Variants in ATP8A1 observed in about 807,000 individuals in gnomAD.
ATP8A1 encodes the protein ATPase phospholipid transporting 8A1.
Under a neutral mutation model 177.7 loss-of-function variants are expected in ATP8A1, and 90 were observed. That is an observed-to-expected ratio of 0.51 (90% CI 0.43 to 0.60). The LOEUF (loss-of-function observed/expected upper bound fraction) is 0.60. ATP8A1 is among the 20% of genes least tolerant of loss of function. ATP8A1 has a pLI of 0.00. For missense variants in ATP8A1, 1,072 were observed against 1,392.8 expected, an observed-to-expected ratio of 0.77 and a Z score of 3.67; for synonymous variants, 493 against 485.9, an observed-to-expected ratio of 1.01 and a Z score of -0.19.
At chr4:42,551,340 AAG>A in intron 17 of ATP8A1, 60 bp from the exon 18 acceptor site, 1 of 1,189,904 alleles carries the variant, frequency 8.4e-7, no homozygotes, top group Non-Finnish European at 1.3e-6. Flanking sequence ...TTCTCAGCAC[AAG>A]AGAAGTACAT....
At chr4:42,628,054 C>A (rs926209357) in intron 1 of ATP8A1, among the ~76,000 whole-genome samples, 1 of 152,126 alleles carries the variant, frequency 6.6e-6, no homozygotes, top group Non-Finnish European at 1.5e-5. Flanking sequence ...TTCCCCCTAC[C>A]AGAATGGGAA....
rs146194722 is a variant in ATP8A1, at chr4:42,553,783, T to A, written c.1414-1173A>T. Reference sequence around the variant, plus strand: ...AACACAAATAAATATACACGTATTGTTTACTTATAGCAAGACAAGCACTGT... The same window carrying A: ...AACACAAATAAATATACACGTATTGATTACTTATAGCAAGACAAGCACTGT... On this transcript the variant is annotated intron_variant, in intron 16 of 36. Coordinates refer to ENST00000381668, the MANE Select transcript of ATP8A1 (RefSeq NM_006095.2). 4.2e-3 allele frequency among the ~76,000 whole-genome samples: 633 copies of A among 152,260 alleles called. 3 individuals are homozygous for A. The highest frequency in any genetic ancestry group is 0.014 in the African/African-American group (602 of 41,554).
intron 13 of ATP8A1, 35 bp from the exon 14 acceptor site, chr4:42,574,742 A>G (rs1449212782): frequency 1.4e-6 from 2 of 1,474,478 alleles, no homozygotes; most frequent in East Asian, 2.3e-5. Context: ...TAATATTTTG[A>G]AAGTCTTTAT....
At chr4:42,594,082 ATAAAG>A (rs1202947426) in intron 6 of ATP8A1, among the ~76,000 whole-genome samples, 2 of 152,136 alleles carry the variant, frequency 1.3e-5, no homozygotes, top group East Asian at 1.9e-4. Flanking sequence ...TATTTGAATG[ATAAAG>A]TATAGTACCT....
intron 4 of ATP8A1, among the ~76,000 whole-genome samples, chr4:42,619,904 C>T (rs553940030): frequency 6.6e-6 from 1 of 152,190 alleles, no homozygotes; most frequent in Non-Finnish European, 1.5e-5. Context: ...CCCCTCTCCC[C>T]ACCCTTGCTA....
chr4:42,572,121 C>G (rs574956845), intron 14 of ATP8A1, among the ~76,000 whole-genome samples: 24 of 152,282 alleles, frequency 1.6e-4, no homozygotes, highest in South Asian at 8.3e-4. Flanking sequence ...ACACCAAAGG[C>G]TTTTGTCAGG....
chr4:42,555,097 C>G (rs1018677837), intron 16 of ATP8A1, among the ~76,000 whole-genome samples: 1 of 84,232 alleles, frequency 1.2e-5, no homozygotes, highest in Non-Finnish European at 2.4e-5. Context: ...ATCTATCTAT[C>G]TATCTATCTA....
intron 5 of ATP8A1, among the ~76,000 whole-genome samples, chr4:42,607,972 G>A (rs1735965761): frequency 6.6e-6 from 1 of 152,170 alleles, no homozygotes; most frequent in Admixed American, 6.5e-5. Flanking sequence ...TCCTCTACCA[G>A]TTCCAACCAA....
chr4:42,588,159 A>G, intron 8 of ATP8A1, 101 bp downstream of exon 8: 1 of 940,508 alleles, frequency 1.1e-6, no homozygotes, highest in Non-Finnish European at 1.6e-6. Context: ...ACATATTTGC[A>G]ATAGGACAGA....
At chr4:42,640,072 G>C (rs1181995963) in intron 1 of ATP8A1, among the ~76,000 whole-genome samples, 1 of 152,156 alleles carries the variant, frequency 6.6e-6, no homozygotes, top group Non-Finnish European at 1.5e-5. Flanking sequence ...GAAACTCAGG[G>C]ATAAGGAGGG....
At chr4:42,545,342 T>A (rs1728794799) in intron 19 of ATP8A1, among the ~76,000 whole-genome samples, 2 of 152,178 alleles carry the variant, frequency 1.3e-5, no homozygotes, top group South Asian at 2.1e-4. Flanking sequence ...TTACTCCAGC[T>A]TTGATAATGT....
intron 12 of ATP8A1, 38 bp downstream of exon 12, chr4:42,578,222 T>C (rs749193970): frequency 4.6e-6 from 7 of 1,521,746 alleles, no homozygotes; most frequent in Non-Finnish European, 6.2e-6. Context: ...AGGACAAAAT[T>C]ATTTTGTAGG....
chr4:42,481,323 T>C (rs745698745), intron 25 of ATP8A1, among the ~76,000 whole-genome samples: 3 of 152,284 alleles, frequency 2.0e-5, no homozygotes, highest in East Asian at 3.9e-4. Context: ...GAAGGGGGCA[T>C]GTGTGTATTT....
chr4:42,464,940 T>G lies in ATP8A1; in HGVS notation c.2461A>C (p.Asn821His), dbSNP rs761603135. 6.2e-7 allele frequency: 1 copy of G among 1,614,232 alleles called. No homozygotes were observed. Among genetic ancestry groups the G allele is most frequent in the Non-Finnish European group, 8.5e-7 (1 of 1,180,028 alleles). Residue 821 changes from asparagine (N) to histidine (H), a missense_variant, in exon 26 of 37, where the codon AAT (asparagine) becomes CAT (histidine). Physicochemically the swap from Asn to His is moderately conservative, Grantham distance 68. Coordinates refer to ENST00000381668, the MANE Select transcript of ATP8A1 (RefSeq NM_006095.2). ...GAATTAGCTGCCTGCAGGCCTTCAT[T>G]GCCACTGATACCAACACCAACGTGC... Reference protein sequence around the residue: ...TAHVGVGISGNEGLQAANSSD... With the variant: ...TAHVGVGISGHEGLQAANSSD...
At chr4:42,579,206 A>G (rs1732770906) in intron 11 of ATP8A1, among the ~76,000 whole-genome samples, 1 of 151,610 alleles carries the variant, frequency 6.6e-6, no homozygotes, top group African/African-American at 2.4e-5. Context: ...AAGGAAAACT[A>G]TTTACTAGCA....
Position 42,485,614 on chromosome 4 carries a change from T to C in ATP8A1, c.2206A>G (p.Lys736Glu), listed in dbSNP as rs368840018. Residue 736 changes from lysine (K) to glutamate (E), a missense_variant, in exon 25 of 37, where the codon AAA (lysine) becomes GAA (glutamate). Transcript: ENST00000381668. ...ATTATAAGAGCAAAATCATTCTCTTTCCGGAGAGCATCACCAAGGGTAGTA... is the reference window on the plus strand; with the variant it reads ...ATTATAAGAGCAAAATCATTCTCTTCCCGGAGAGCATCACCAAGGGTAGTA... ...HCTTLGDALR[K>E]ENDFALIIDG... The C allele has an allele frequency of 6.2e-7, 1 of 1,613,624 alleles. No individual in the cohort carries two copies. The highest frequency in any genetic ancestry group is 1.7e-5 in the Admixed American group (1 of 59,980).
chr4:42,636,147 C>CGCGCGCGT (rs750560295), intron 1 of ATP8A1, among the ~76,000 whole-genome samples: 488 of 21,940 alleles, frequency 0.022, 5 homozygotes, highest in Middle Eastern at 0.059. Flanking sequence ...CACACACACA[C>CGCGCGCGT]ACACACACAC....
intron 25 of ATP8A1, among the ~76,000 whole-genome samples, chr4:42,469,960 G>A (rs529602980): frequency 1.3e-4 from 20 of 152,296 alleles, no homozygotes; most frequent in African/African-American, 4.6e-4. Flanking sequence ...AATGCCAATA[G>A]TGACTCAACG....
chr4:42,521,249 G>A (rs930435679), intron 22 of ATP8A1, among the ~76,000 whole-genome samples: 1 of 152,162 alleles, frequency 6.6e-6, no homozygotes, highest in Non-Finnish European at 1.5e-5. Context: ...GAAGTCACTT[G>A]AATGATTTAG....
Sources: gnomAD v4.1 joint callset for allele counts (sites outside exome capture counted in the v4.1 genomes callset) on GRCh38, gnomAD v4.1.1 for gene constraint, MANE v1.5 for transcripts, NCBI Gene and HGNC (gene_info 2026-07-23, HGNC 2026-07-21) for gene names.